Variants in NRXN3 observed in about 807,000 individuals in gnomAD.
The protein encoded by NRXN3 is neurexin III.
Under a neutral mutation model 137.6 loss-of-function variants are expected in NRXN3, and 32 were observed. The ratio of observed to expected loss-of-function variants is 0.23; its 90% CI spans 0.18 to 0.31. The LOEUF is 0.31. NRXN3 is among the 10% of genes least tolerant of loss of function. NRXN3 has a pLI of 1.00. For missense variants in NRXN3, 1,574 were observed against 2,062.5 expected (o/e 0.76, Z 4.59); for synonymous variants, 798 against 784.5 (o/e 1.02, Z -0.29).
intron 4 of NRXN3, among the ~76,000 whole-genome samples, chr14:78,599,631 C>T (rs1367190141): frequency 6.6e-6 from 1 of 152,184 alleles, no homozygotes; most frequent in Non-Finnish European, 1.5e-5. Flanking sequence ...AACTCCATTT[C>T]AGTAGTCATT....
intron 19 of NRXN3, among the ~76,000 whole-genome samples, chr14:79,757,678 C>G (rs1008691253): frequency 6.6e-6 from 1 of 152,154 alleles, no homozygotes; most frequent in Non-Finnish European, 1.5e-5. Context: ...AGTTAGGACT[C>G]CTGAGTTCCT....
At chr14:78,360,065 A>G (rs1214070082) in intron 4 of NRXN3, among the ~76,000 whole-genome samples, 1 of 152,142 alleles carries the variant, frequency 6.6e-6, no homozygotes, top group Non-Finnish European at 1.5e-5. Context: ...TGTCGTCATA[A>G]CCATTCCTTA....
chr14:79,627,648 C>G (rs2098297024), intron 16 of NRXN3, among the ~76,000 whole-genome samples: 3 of 152,172 alleles, frequency 2.0e-5, no homozygotes, highest in Admixed American at 2.0e-4. Flanking sequence ...TGAGAAAGAA[C>G]AGGATCACAT....
chr14:79,799,386 T>G, intron 19 of NRXN3, among the ~76,000 whole-genome samples: 1 of 152,238 alleles, frequency 6.6e-6, no homozygotes, highest in Non-Finnish European at 1.5e-5. Flanking sequence ...GTCATACTCA[T>G]GCACTATGTT....
At chr14:78,844,685 TA>T (rs1260806192) in intron 10 of NRXN3, among the ~76,000 whole-genome samples, 1 of 152,122 alleles carries the variant, frequency 6.6e-6, no homozygotes, top group African/African-American at 2.4e-5. Context: ...GATTTTAAAC[TA>T]CTTTAAAGAC....
At chr14:79,205,545 G>A (rs2066667854) in intron 15 of NRXN3, among the ~76,000 whole-genome samples, 1 of 152,158 alleles carries the variant, frequency 6.6e-6, no homozygotes, top group South Asian at 2.1e-4. Flanking sequence ...AAAACATCAA[G>A]TACCTGATAA....
chr14:78,655,908 T>A (rs2097780770), intron 6 of NRXN3, among the ~76,000 whole-genome samples: 2 of 152,090 alleles, frequency 1.3e-5, no homozygotes, highest in South Asian at 4.2e-4. Flanking sequence ...AAATTGCTGT[T>A]TTCTTATTGT....
rs184519069 is a variant in NRXN3 at position 78,831,526 on chromosome 14, C to T, written c.2275+21182C>T. On this transcript the variant is annotated intron_variant, in intron 10 of 20. Transcript: ENST00000335750. ...CTCCAGCCTGGGTGACAGAGGGAGA[C>T]TCCATGTCAAAAAAAAAAAAAAAAA... is the stretch of plus-strand genomic sequence containing the variant. 2.1e-4 allele frequency among the ~76,000 whole-genome samples: 21 copies of T among 100,126 alleles called. No homozygotes were observed. The East Asian group carries it at 6.0e-3, about 29-fold the overall frequency. 65.7% of individuals were successfully genotyped at this position (100,126 alleles called of 152,430 possible). A position where few individuals can be genotyped will look rare whatever the true frequency, so the allele number is the denominator to read the frequency against.
At chr14:78,560,978 G>A (rs1347641370) in intron 4 of NRXN3, among the ~76,000 whole-genome samples, 1 of 152,146 alleles carries the variant, frequency 6.6e-6, no homozygotes, top group Non-Finnish European at 1.5e-5. Context: ...GTATTAGTCA[G>A]GTTAGACTTG....
chr14:79,767,337 T>C lies in NRXN3; in HGVS notation c.4015-37775T>C, dbSNP rs2099059392. 2.0e-5 allele frequency among the ~76,000 whole-genome samples: 3 copies of C among 152,358 alleles called. No individual in the cohort carries two copies. In the South Asian group the frequency reaches 6.2e-4, roughly 32 times the overall value. On this transcript the variant is annotated intron_variant, in intron 19 of 20. Transcript: ENST00000335750. ...CATGTGCTGTTTATATGAAATCCTC[T>C]TTTCTTCCTGCCACTCTTGCCTATT...
intron 8 of NRXN3, among the ~76,000 whole-genome samples, chr14:78,758,418 C>G (rs2098678483): frequency 1.3e-5 from 2 of 152,198 alleles, no homozygotes; most frequent in Admixed American, 1.3e-4. Context: ...ACTTCCCAGA[C>G]TTGAGCCTTC....
chr14:78,538,537 T>C (rs1037340371), intron 4 of NRXN3, among the ~76,000 whole-genome samples: 1 of 152,226 alleles, frequency 6.6e-6, no homozygotes, highest in African/African-American at 2.4e-5. Flanking sequence ...GTTTTCTAAA[T>C]ATGCAATCAT....
intron 15 of NRXN3, among the ~76,000 whole-genome samples, chr14:79,320,086 T>A (rs2089698771): frequency 6.6e-6 from 1 of 152,114 alleles, no homozygotes; most frequent in Non-Finnish European, 1.5e-5. Context: ...TAACAAAAAA[T>A]TCAGATTAAA....
At chr14:79,659,487 G>A (rs1242294549) in intron 16 of NRXN3, among the ~76,000 whole-genome samples, 1 of 152,122 alleles carries the variant, frequency 6.6e-6, no homozygotes, top group Non-Finnish European at 1.5e-5. Context: ...TATATATTCT[G>A]TTTGCTAAAA....
intron 15 of NRXN3, among the ~76,000 whole-genome samples, chr14:79,112,634 C>T (rs573788513): frequency 2.0e-5 from 3 of 152,284 alleles, no homozygotes; most frequent in South Asian, 4.1e-4. Context: ...CTGCACATGC[C>T]TGGGATTTTA....
At chr14:79,027,073 C>G (rs2099599829) in intron 15 of NRXN3, among the ~76,000 whole-genome samples, 1 of 146,618 alleles carries the variant, frequency 6.8e-6, no homozygotes, top group South Asian at 2.1e-4. Flanking sequence ...TCCATATATT[C>G]TATTGAAGTT....
intron 15 of NRXN3, among the ~76,000 whole-genome samples, chr14:79,421,025 C>T (rs907071521): frequency 4.6e-5 from 7 of 152,152 alleles, no homozygotes; most frequent in Non-Finnish European, 1.0e-4. Context: ...ACTCCAGTGA[C>T]GTTTGGGCTT....
chr14:78,932,467 T>A (rs566137086), intron 10 of NRXN3, among the ~76,000 whole-genome samples: 143 of 152,334 alleles, frequency 9.4e-4, no homozygotes, highest in Non-Finnish European at 1.7e-3. Flanking sequence ...GGTTTAATAA[T>A]CACAATTGAA....
At chr14:78,891,107 T>G (rs745591619) in intron 10 of NRXN3, among the ~76,000 whole-genome samples, 1 of 151,916 alleles carries the variant, frequency 6.6e-6, no homozygotes, top group Non-Finnish European at 1.5e-5. Flanking sequence ...GGAATAAGAC[T>G]TCTAAGCCCA....
Sources: allele counts gnomAD v4.1 joint callset (sites outside exome capture counted in the v4.1 genomes callset), GRCh38; gene constraint gnomAD v4.1.1; transcripts MANE v1.5; gene names NCBI Gene and HGNC (gene_info 2026-07-23, HGNC 2026-07-21).